DLG2: variants seen among roughly 807,000 people sequenced by gnomAD.
DLG2 encodes disks large homolog 2.
A neutral mutation model predicts 132.5 loss-of-function variants in DLG2; 45 were observed. That is an observed-to-expected ratio of 0.34 (90% confidence interval 0.27 to 0.44). The LOEUF is 0.44. Among genes scored for constraint, DLG2 ranks in the 20% least tolerant of loss-of-function variants. DLG2 has a pLI of 1.00. For missense variants in DLG2, 1,045 were observed against 1,196.9 expected, an observed-to-expected ratio of 0.87 and a Z score of 1.87; for synonymous variants, 424 against 419.6, an observed-to-expected ratio of 1.01 and a Z score of -0.13.
At chr11:84,506,598 T>G (rs1467497507) in intron 7 of DLG2, among the ~76,000 whole-genome samples, 1 of 152,196 alleles carries the variant, frequency 6.6e-6, no homozygotes, top group Non-Finnish European at 1.5e-5. Context: ...ACATAGCCCT[T>G]CAGATACCTT....
chr11:83,512,383 A>G (rs1486872090), intron 21 of DLG2, among the ~76,000 whole-genome samples: 3 of 152,212 alleles, frequency 2.0e-5, no homozygotes, highest in East Asian at 1.9e-4. Context: ...GTAATTCTAA[A>G]TATCTACTCC....
chr11:84,168,522 G>A (rs1174754463), intron 8 of DLG2, among the ~76,000 whole-genome samples: 1 of 152,090 alleles, frequency 6.6e-6, no homozygotes, highest in African/African-American at 2.4e-5. Context: ...GAGTAAGGTG[G>A]GGCAATGCCA....
chr11:84,108,400 C>G (rs2093116083), intron 9 of DLG2, among the ~76,000 whole-genome samples: 1 of 151,934 alleles, frequency 6.6e-6, no homozygotes, highest in Admixed American at 6.6e-5. Context: ...ATGGTAAAGA[C>G]AGAAAAAATG....
chr11:85,333,629 T>C (rs2081928909), intron 3 of DLG2, among the ~76,000 whole-genome samples: 2 of 152,214 alleles, frequency 1.3e-5, no homozygotes, highest in African/African-American at 2.4e-5. Flanking sequence ...TAAGGGGTTT[T>C]GACATGGGGA....
At chr11:83,746,409 G>T (rs920463362) in intron 18 of DLG2, among the ~76,000 whole-genome samples, 4 of 152,138 alleles carry the variant, frequency 2.6e-5, no homozygotes, top group Admixed American at 2.6e-4. Flanking sequence ...CAAAAATGAT[G>T]AGTTCATGTC....
chr11:84,294,392 G>C (rs2098058008), intron 7 of DLG2, among the ~76,000 whole-genome samples: 1 of 152,164 alleles, frequency 6.6e-6, no homozygotes, highest in South Asian at 2.1e-4. Flanking sequence ...GAGGTCAGGA[G>C]TTTGAGACCA....
intron 7 of DLG2, among the ~76,000 whole-genome samples, chr11:84,500,791 A>G (rs575106025): frequency 6.6e-6 from 1 of 152,304 alleles, no homozygotes; most frequent in South Asian, 2.1e-4. Context: ...GGATCCCAAC[A>G]CAGTGTAGTA....
chr11:85,511,319 A>C (rs2094063323), intron 3 of DLG2, among the ~76,000 whole-genome samples: 2 of 152,010 alleles, frequency 1.3e-5, no homozygotes, highest in Non-Finnish European at 2.9e-5. Context: ...ACATGTATAC[A>C]CATGTAACAA....
intron 18 of DLG2, among the ~76,000 whole-genome samples, chr11:83,714,726 G>A (rs899682108): frequency 6.6e-6 from 1 of 152,096 alleles, no homozygotes. Flanking sequence ...ACTATAATTT[G>A]TTTTATTATT....
chr11:84,382,252 A>G (rs982802840), intron 7 of DLG2, among the ~76,000 whole-genome samples: 28 of 151,824 alleles, frequency 1.8e-4, no homozygotes. Flanking sequence ...TTTTTTTCTC[A>G]GTGTTTAGAG....
chr11:84,838,502 T>C (rs1056962011), intron 6 of DLG2, among the ~76,000 whole-genome samples: 4 of 151,914 alleles, frequency 2.6e-5, no homozygotes, highest in African/African-American at 7.2e-5. Context: ...CTGTTGACAT[T>C]GTCAACTGCT....
chr11:85,304,497 GT>G (rs1309511852), intron 3 of DLG2, among the ~76,000 whole-genome samples: 1 of 151,982 alleles, frequency 6.6e-6, no homozygotes, highest in Non-Finnish European at 1.5e-5. Context: ...GATTATACAG[GT>G]TGAGCATCCC....
chr11:84,741,197 G>C (rs2064600151), intron 6 of DLG2, among the ~76,000 whole-genome samples: 1 of 150,884 alleles, frequency 6.6e-6, no homozygotes, highest in Non-Finnish European at 1.5e-5. Flanking sequence ...CTCCCGAGTA[G>C]CTGGGACTAC....
chr11:84,154,233 A>G (rs1285611436), intron 9 of DLG2, among the ~76,000 whole-genome samples: 2 of 152,178 alleles, frequency 1.3e-5, no homozygotes, highest in Non-Finnish European at 2.9e-5. Context: ...ACTGACCTCA[A>G]GTGATCCACC....
At chr11:85,572,852 T>G (rs1278443794) in intron 3 of DLG2, among the ~76,000 whole-genome samples, 1 of 152,216 alleles carries the variant, frequency 6.6e-6, no homozygotes, top group Non-Finnish European at 1.5e-5. Context: ...TTTGATATAG[T>G]TTGGATGTCC....
chr11:84,880,048 A>G (rs536518670), intron 6 of DLG2, among the ~76,000 whole-genome samples: 1 of 152,288 alleles, frequency 6.6e-6, no homozygotes, highest in South Asian at 2.1e-4. Flanking sequence ...TTAAAAAAGC[A>G]CAAGAATCAT....
intron 4 of DLG2, among the ~76,000 whole-genome samples, chr11:85,235,897 G>A (rs1565196643): frequency 6.6e-6 from 1 of 151,700 alleles, no homozygotes; most frequent in Non-Finnish European, 1.5e-5. Context: ...GGGTACTTTT[G>A]GAAGTCTCCT....
chr11:85,382,682 T>A (rs1180746149), intron 3 of DLG2, among the ~76,000 whole-genome samples: 1 of 152,116 alleles, frequency 6.6e-6, no homozygotes, highest in Non-Finnish European at 1.5e-5. Context: ...GGGCAAATAT[T>A]TGAACGGACA....
chr11:83,548,184 T>C (rs1320114423), intron 19 of DLG2, among the ~76,000 whole-genome samples: 1 of 152,080 alleles, frequency 6.6e-6, no homozygotes, highest in Non-Finnish European at 1.5e-5. Context: ...GGGCAGACTG[T>C]GGTAGGAAGA....
Sources: gnomAD v4.1 joint callset for allele counts (sites outside exome capture counted in the v4.1 genomes callset) on GRCh38, gnomAD v4.1.1 for gene constraint, MANE v1.5 for transcripts, NCBI Gene and HGNC (gene_info 2026-07-23, HGNC 2026-07-21) for gene names.